EXOC6B: variants seen among roughly 807,000 people sequenced by gnomAD.
The protein encoded by EXOC6B is SEC15 homolog B.
A neutral mutation model predicts 113.5 loss-of-function variants in EXOC6B; 54 were observed. The observed-to-expected ratio is 0.48, with a 90% CI of 0.38 to 0.60. EXOC6B has a LOEUF of 0.60. Ranked by LOEUF, EXOC6B falls within the 20% of genes least tolerant of loss-of-function variation. The pLI, the probability that EXOC6B is intolerant of heterozygous loss-of-function variation, is 0.00. For synonymous variants in EXOC6B, 357 were observed against 339.0 expected, an observed-to-expected ratio of 1.05 and a Z score of -0.58; for missense variants, 797 against 977.5, an observed-to-expected ratio of 0.82 and a Z score of 2.46.
chr2:72,453,197 TA>T (rs1406490600), intron 18 of EXOC6B, among the ~76,000 whole-genome samples: 5 of 152,100 alleles, frequency 3.3e-5, no homozygotes, highest in Non-Finnish European at 7.4e-5. Context: ...ATTTAATCTG[TA>T]AAAAGATTAA....
At chr2:72,794,252 AGTATGT>A (rs746240092) in intron 1 of EXOC6B, among the ~76,000 whole-genome samples, 2 of 152,332 alleles carry the variant, frequency 1.3e-5, no homozygotes, top group South Asian at 4.1e-4. Context: ...TGGCATCTTA[AGTATGT>A]GTCACATGAG....
intron 6 of EXOC6B, among the ~76,000 whole-genome samples, chr2:72,676,307 C>T (rs992917883): frequency 6.6e-6 from 1 of 152,110 alleles, no homozygotes; most frequent in Admixed American, 6.6e-5. Flanking sequence ...CACTACAAAG[C>T]ATCTGATTTA....
chr2:72,666,770 A>G (rs1675419072), intron 6 of EXOC6B, among the ~76,000 whole-genome samples: 1 of 136,814 alleles, frequency 7.3e-6, no homozygotes, highest in African/African-American at 2.9e-5. Context: ...ATGCAATCCC[A>G]TTTACAATAG....
At chr2:72,730,432 T>C (rs1228781783) in intron 5 of EXOC6B, among the ~76,000 whole-genome samples, 1 of 152,138 alleles carries the variant, frequency 6.6e-6, no homozygotes, top group Non-Finnish European at 1.5e-5. Context: ...AAGAGTCCCT[T>C]TGGACTCAAG....
At chr2:72,321,698 A>G (rs1396512677) in intron 20 of EXOC6B, among the ~76,000 whole-genome samples, 1 of 152,236 alleles carries the variant, frequency 6.6e-6, no homozygotes. Flanking sequence ...ATATAGTGCC[A>G]GAGATCAGAG....
At chr2:72,419,802 GT>G (rs1694760198) in intron 18 of EXOC6B, among the ~76,000 whole-genome samples, 1 of 152,114 alleles carries the variant, frequency 6.6e-6, no homozygotes, top group African/African-American at 2.4e-5. Context: ...CCAATTTTGA[GT>G]TTTTTGAGTT....
intron 1 of EXOC6B, among the ~76,000 whole-genome samples, chr2:72,766,628 G>T (rs1277769945): frequency 6.6e-6 from 1 of 152,072 alleles, no homozygotes; most frequent in African/African-American, 2.4e-5. Context: ...GAACTCCATA[G>T]ATGGTTTACC....
At chr2:72,760,503 T>A (rs1682677460) in intron 1 of EXOC6B, 1 of 153,082 alleles carries the variant, frequency 6.5e-6, no homozygotes, top group African/African-American at 2.4e-5. Context: ...TTGTTTTTAA[T>A]ACTATGAATG....
At chr2:72,531,232 ATTT>A (rs1232092317) in intron 8 of EXOC6B, among the ~76,000 whole-genome samples, 12 of 152,204 alleles carry the variant, frequency 7.9e-5, no homozygotes, top group Admixed American at 2.6e-4. Flanking sequence ...AAGTGTATCT[ATTT>A]ATACATTTGT....
At chr2:72,611,011 T>C (rs1671040343) in intron 6 of EXOC6B, among the ~76,000 whole-genome samples, 1 of 152,078 alleles carries the variant, frequency 6.6e-6, no homozygotes, top group African/African-American at 2.4e-5. Context: ...CCCACTCTAA[T>C]AATAAGAAAA....
intron 1 of EXOC6B, among the ~76,000 whole-genome samples, chr2:72,772,596 T>C (rs1057260651): frequency 1.3e-5 from 2 of 152,106 alleles, no homozygotes; most frequent in African/African-American, 4.8e-5. Context: ...CTGATCCCCA[T>C]GACCCCAGAA....
intron 19 of EXOC6B, among the ~76,000 whole-genome samples, chr2:72,347,969 A>G (rs1440440338): frequency 6.6e-6 from 1 of 152,162 alleles, no homozygotes; most frequent in Non-Finnish European, 1.5e-5. Flanking sequence ...TGCCCATGAT[A>G]CTACACTATG....
intron 1 of EXOC6B, among the ~76,000 whole-genome samples, chr2:72,772,615 C>G (rs1254179400): frequency 2.6e-5 from 4 of 152,072 alleles, no homozygotes; most frequent in Non-Finnish European, 2.9e-5. Flanking sequence ...AATCCAGGCC[C>G]ACACACCCAG....
At position 72,562,920 on chromosome 2, in the gene EXOC6B, T is replaced by C. The variant is rs114220814; in HGVS notation, c.847-3399A>G. On this transcript the variant is annotated intron_variant, in intron 7 of 21. Coordinates refer to ENST00000272427, the MANE Select transcript of EXOC6B (RefSeq NM_015189.3). The stretch of plus-strand genomic sequence containing the variant: ...ATTATCCTGCTTTTTTAACTAGTTG[T>C]TTTCCTTAAGAATTCACGTGAAATA... Among the ~76,000 whole-genome samples the C allele has an allele frequency of 5.6e-3, 848 of 152,256 alleles. 8 individuals are homozygous for C. The highest frequency in any genetic ancestry group is 0.02 in the African/African-American group (820 of 41,564).
chr2:72,417,726 T>C lies in EXOC6B; in HGVS notation c.1981-37856A>G, dbSNP rs529209717. On this transcript the variant is annotated intron_variant, in intron 18 of 21. Coordinates refer to ENST00000272427, the MANE Select transcript of EXOC6B (RefSeq NM_015189.3). Reference sequence around the variant, plus strand: ...GTTTAGTCTTTTAATCCTCCTGGTGTGTTGTACATTTTTATGGTATGATAT... The same window carrying C: ...GTTTAGTCTTTTAATCCTCCTGGTGCGTTGTACATTTTTATGGTATGATAT... Among the ~76,000 whole-genome samples the C allele has an allele frequency of 4.6e-5, 7 of 152,312 alleles. No homozygotes were observed. In the South Asian group the frequency reaches 1.4e-3, roughly 32 times the overall value.
intron 6 of EXOC6B, among the ~76,000 whole-genome samples, chr2:72,595,949 T>C (rs537343372): frequency 6.6e-6 from 1 of 152,210 alleles, no homozygotes; most frequent in South Asian, 2.1e-4. Context: ...TTCCTGAACT[T>C]GAAGTCTAAA....
At chr2:72,594,977 C>T (rs1031971494) in intron 6 of EXOC6B, among the ~76,000 whole-genome samples, 8 of 151,916 alleles carry the variant, frequency 5.3e-5, no homozygotes, top group African/African-American at 1.7e-4. Context: ...AGCATGGTGA[C>T]GCCGGACGCA....
chr2:72,460,280 CA>C (rs372752509), intron 18 of EXOC6B, among the ~76,000 whole-genome samples: 57,940 of 151,500 alleles, frequency 0.38, 17,105 homozygotes, highest in African/African-American at 0.83. Flanking sequence ...CAATACCATT[CA>C]AGGACACAGG....
chr2:72,729,380 T>C (rs1430222445), intron 5 of EXOC6B, among the ~76,000 whole-genome samples: 1 of 151,352 alleles, frequency 6.6e-6, no homozygotes, highest in African/African-American at 2.4e-5. Flanking sequence ...ATTGTTAATA[T>C]CTGTTAATTC....
Sources: gnomAD v4.1 joint callset for allele counts (sites outside exome capture counted in the v4.1 genomes callset) on GRCh38, gnomAD v4.1.1 for gene constraint, MANE v1.5 for transcripts, NCBI Gene and HGNC (gene_info 2026-07-23, HGNC 2026-07-21) for gene names.